Variants in KCNIP4 observed in about 807,000 individuals in gnomAD.
The protein encoded by KCNIP4 is potassium voltage-gated channel interacting protein 4.
In KCNIP4, 12 loss-of-function variants were observed where a neutral mutation model predicts 34.0. The observed-to-expected ratio is 0.35, with a 90% confidence interval of 0.23 to 0.57. KCNIP4 has a LOEUF of 0.57. Among genes scored for constraint, KCNIP4 ranks in the 20% least tolerant of loss-of-function variants. The pLI, the probability that KCNIP4 is intolerant of heterozygous loss-of-function variation, is 0.83. For synonymous variants in KCNIP4, 124 were observed against 102.2 expected (o/e 1.21, Z -1.29); for missense variants, 238 against 311.7 (o/e 0.76, Z 1.78).
At chr4:21,135,800 A>G (rs28755915) in intron 1 of KCNIP4, among the ~76,000 whole-genome samples, 80,280 of 151,950 alleles carry the variant, frequency 0.53, 21,795 homozygotes, top group African/African-American at 0.64. Context: ...TACTGGCTTT[A>G]TTTCCTTGGG....
rs151224175 is a variant in KCNIP4 at position 20,729,608 on chromosome 4, ATAAATGGAATT to A, written c.*463_*473del. On this transcript the variant is annotated 3_prime_UTR_variant, in exon 9 of 9. Transcript: ENST00000382152. Reference sequence around the variant, plus strand: ...TTGTAATCTTGTTTCCTTAAAGTATATAAATGGAATTTAAATGGAATTACAGCATTCAAACA... The same window carrying A: ...TTGTAATCTTGTTTCCTTAAAGTATATAAATGGAATTACAGCATTCAAACA... The A allele has an allele frequency of 0.33, 49,504 of 151,490 alleles. 8,492 individuals carry two copies. Among genetic ancestry groups the A allele is most frequent in the African/African-American group, 0.43 (17,810 of 41,198 alleles). The allele number at this position is 151,490 out of a possible 1,614,324, so 9.4% of individuals were successfully genotyped here.
At chr4:21,156,902 TA>T (rs144454835) in intron 1 of KCNIP4, among the ~76,000 whole-genome samples, 2,627 of 152,252 alleles carry the variant, frequency 0.017, 81 homozygotes, top group African/African-American at 0.058. Flanking sequence ...CATTCTACAT[TA>T]AAAATGGCAT....
At chr4:20,923,601 T>C (rs766513507) in intron 1 of KCNIP4, among the ~76,000 whole-genome samples, 1 of 152,202 alleles carries the variant, frequency 6.6e-6, no homozygotes, top group Non-Finnish European at 1.5e-5. Context: ...CAAAAGATTA[T>C]ATACTAGAGA....
chr4:21,376,606 C>G lies in KCNIP4; in HGVS notation c.62-493897G>C, dbSNP rs188405511. On this transcript the variant is annotated intron_variant, in intron 1 of 8. Transcript: ENST00000382152. ...TTCTAAATGTCTCCATCTCCCACAT[C>G]TGTTAAATTACTGGCTCTTAATCTG... Among the ~76,000 whole-genome samples, 495 of 152,328 alleles carry G rather than the reference C, an allele frequency of 3.2e-3. 4 individuals carry two copies. The highest frequency in any genetic ancestry group is 6.8e-3 in the Middle Eastern group (2 of 294).
At chr4:21,726,016 G>A (rs1311426162) in intron 1 of KCNIP4, among the ~76,000 whole-genome samples, 1 of 152,122 alleles carries the variant, frequency 6.6e-6, no homozygotes, top group African/African-American at 2.4e-5. Flanking sequence ...GCAAACAAAT[G>A]TTATATAGGT....
chr4:21,669,042 T>C (rs1212965449), intron 1 of KCNIP4, among the ~76,000 whole-genome samples: 1 of 152,074 alleles, frequency 6.6e-6, no homozygotes, highest in African/African-American at 2.4e-5. Flanking sequence ...GTAAAGACAA[T>C]CAAGAGGAAT....
intron 1 of KCNIP4, among the ~76,000 whole-genome samples, chr4:21,394,246 T>C (rs192846248): frequency 3.9e-5 from 6 of 152,246 alleles, no homozygotes; most frequent in Non-Finnish European, 5.9e-5. Context: ...GAAAAATATA[T>C]CTAAAAATTC....
At chr4:21,334,199 A>T (rs555493508) in intron 1 of KCNIP4, among the ~76,000 whole-genome samples, 1 of 152,228 alleles carries the variant, frequency 6.6e-6, no homozygotes, top group East Asian at 1.9e-4. Flanking sequence ...GCTGTATGAC[A>T]CTGAATAAAT....
chr4:21,148,478 G>A (rs149369659), intron 1 of KCNIP4, among the ~76,000 whole-genome samples: 66 of 152,166 alleles, frequency 4.3e-4, no homozygotes, highest in South Asian at 8.3e-4. Flanking sequence ...TGATAGTTAC[G>A]TTTATCCAAT....
intron 1 of KCNIP4, among the ~76,000 whole-genome samples, chr4:20,947,560 C>T (rs1227352832): frequency 6.6e-6 from 1 of 152,156 alleles, no homozygotes; most frequent in Non-Finnish European, 1.5e-5. Context: ...TTCATTTCAT[C>T]CTCCTAGTAC....
intron 1 of KCNIP4, among the ~76,000 whole-genome samples, chr4:21,251,548 C>T (rs1445372242): frequency 6.6e-6 from 1 of 151,944 alleles, no homozygotes; most frequent in Non-Finnish European, 1.5e-5. Flanking sequence ...GTATTCATTT[C>T]ATATTAAGAA....
At chr4:20,748,172 T>C (rs1245120824) in intron 5 of KCNIP4, among the ~76,000 whole-genome samples, 2 of 152,160 alleles carry the variant, frequency 1.3e-5, no homozygotes, top group Non-Finnish European at 2.9e-5. Context: ...TCCAATCTCC[T>C]GCCTAAGACA....
intron 1 of KCNIP4, among the ~76,000 whole-genome samples, chr4:21,435,384 C>G (rs1370976704): frequency 6.6e-6 from 1 of 152,116 alleles, no homozygotes; most frequent in Non-Finnish European, 1.5e-5. Flanking sequence ...TGGCTAGAAG[C>G]AATTTAAAAT....
chr4:21,436,360 G>T (rs1233710598), intron 1 of KCNIP4, among the ~76,000 whole-genome samples: 1 of 152,130 alleles, frequency 6.6e-6, no homozygotes, highest in African/African-American at 2.4e-5. Flanking sequence ...AGGAACTTGA[G>T]GTTGCCTTAT....
At chr4:20,943,754 A>G (rs1731901283) in intron 1 of KCNIP4, among the ~76,000 whole-genome samples, 1 of 152,180 alleles carries the variant, frequency 6.6e-6, no homozygotes, top group African/African-American at 2.4e-5. Flanking sequence ...TTGAGACTAT[A>G]TAAGAAACAG....
intron 1 of KCNIP4, among the ~76,000 whole-genome samples, chr4:20,902,775 C>A (rs1052118726): frequency 6.6e-6 from 1 of 152,168 alleles, no homozygotes; most frequent in African/African-American, 2.4e-5. Context: ...CCTCCTTGGC[C>A]TCCCAAAGTG....
intron 1 of KCNIP4, among the ~76,000 whole-genome samples, chr4:21,239,806 G>T (rs1053196967): frequency 6.6e-6 from 1 of 152,166 alleles, no homozygotes; most frequent in Admixed American, 6.5e-5. Context: ...CATTGTGGAA[G>T]ACAGTGTGGT....
At chr4:21,637,346 AG>A (rs1746263735) in intron 1 of KCNIP4, among the ~76,000 whole-genome samples, 1 of 152,164 alleles carries the variant, frequency 6.6e-6, no homozygotes, top group Non-Finnish European at 1.5e-5. Context: ...TGCTAGAACT[AG>A]GATTCAAGCA....
intron 1 of KCNIP4, among the ~76,000 whole-genome samples, chr4:21,904,488 G>A (rs1376794356): frequency 6.6e-6 from 1 of 152,076 alleles, no homozygotes; most frequent in African/African-American, 2.4e-5. Context: ...AAAGTCAGTT[G>A]GCATACATTT....
Sources: gnomAD v4.1 joint callset for allele counts (sites outside exome capture counted in the v4.1 genomes callset) on GRCh38, gnomAD v4.1.1 for gene constraint, MANE v1.5 for transcripts, NCBI Gene and HGNC (gene_info 2026-07-23, HGNC 2026-07-21) for gene names.